Variants in IGF2BP2 observed in about 807,000 individuals in gnomAD.
The protein encoded by IGF2BP2 is insulin-like growth factor 2 mRNA-binding protein 2.
A neutral mutation model predicts 75.8 loss-of-function variants in IGF2BP2; 17 were observed. The observed-to-expected ratio is 0.22, with a 90% CI of 0.15 to 0.34. The LOEUF (loss-of-function observed/expected upper bound fraction) is 0.34, where lower values mean the gene tolerates loss of function less well. IGF2BP2 is among the 10% of genes least tolerant of loss of function. The pLI, the probability that IGF2BP2 is intolerant of heterozygous loss-of-function variation, is 1.00. For missense variants in IGF2BP2, 516 were observed against 772.4 expected (o/e 0.67, Z 3.93); for synonymous variants, 288 against 295.6 (o/e 0.97, Z 0.26).
chr3:185,728,675 TC>T (rs1727705862), intron 2 of IGF2BP2: 1 of 152,130 alleles, frequency 6.6e-6, no homozygotes, highest in Admixed American at 6.5e-5. Flanking sequence ...TATTATGACA[TC>T]CATTTTACAG....
At chr3:185,742,059 A>G (rs1729622593) in intron 2 of IGF2BP2, among the ~76,000 whole-genome samples, 1 of 152,194 alleles carries the variant, frequency 6.6e-6, no homozygotes, top group Admixed American at 6.5e-5. Context: ...ATTCATTAGT[A>G]AGCTGAAGGT....
At chr3:185,716,732 G>A (rs765894861) in intron 2 of IGF2BP2, 2 of 520,038 alleles carry the variant, frequency 3.8e-6, no homozygotes, top group South Asian at 1.4e-5. Context: ...CCCTGTCAGC[G>A]CTGGCTGGTC....
chr3:185,683,597 C>T (rs528259816), intron 7 of IGF2BP2, among the ~76,000 whole-genome samples: 3 of 151,950 alleles, frequency 2.0e-5, no homozygotes, highest in Non-Finnish European at 2.9e-5. Flanking sequence ...TTAGTAGAGA[C>T]GAGGTTTCAC....
At chr3:185,782,674 G>C (rs1382918768) in intron 2 of IGF2BP2, among the ~76,000 whole-genome samples, 2 of 152,120 alleles carry the variant, frequency 1.3e-5, no homozygotes, top group Non-Finnish European at 2.9e-5. Flanking sequence ...TCAATTAACA[G>C]GCATACCTAC....
chr3:185,676,933 G>T (rs1234083242), intron 7 of IGF2BP2, among the ~76,000 whole-genome samples: 1 of 133,860 alleles, frequency 7.5e-6, no homozygotes, highest in Non-Finnish European at 1.5e-5. Context: ...ATTTACTGGA[G>T]AGAGAGACAT....
chr3:185,681,955 C>G (rs995778609), intron 7 of IGF2BP2, among the ~76,000 whole-genome samples: 6 of 152,236 alleles, frequency 3.9e-5, no homozygotes, highest in Non-Finnish European at 8.8e-5. Flanking sequence ...AACTATCAAA[C>G]TCCTAAAACA....
At chr3:185,823,255 C>A in intron 1 of IGF2BP2, 42 bp from the exon 2 acceptor site, 2 of 1,523,598 alleles carry the variant, frequency 1.3e-6, no homozygotes, top group Non-Finnish European at 1.8e-6. Context: ...TTGCTTAGAT[C>A]AAGCCCGCGG....
At chr3:185,798,795 C>T (rs4686697) in intron 2 of IGF2BP2, among the ~76,000 whole-genome samples, 6,546 of 68,640 alleles carry the variant, frequency 0.095, 295 homozygotes, top group African/African-American at 0.21. Flanking sequence ...TTCTTTTTTT[C>T]TTTTTTTTTT....
intron 2 of IGF2BP2, chr3:185,713,408 G>A (rs777245606): frequency 3.8e-6 from 2 of 519,908 alleles, no homozygotes; most frequent in Admixed American, 1.9e-5. Flanking sequence ...TGGAAAAGCA[G>A]CAGTGGGCGG....
At chr3:185,649,152 G>T (rs887882743) in intron 14 of IGF2BP2, among the ~76,000 whole-genome samples, 8 of 152,090 alleles carry the variant, frequency 5.3e-5, no homozygotes, top group African/African-American at 9.7e-5. Flanking sequence ...CAGGACTGTG[G>T]TATTTTTGGT....
chr3:185,720,587 T>G (rs1327066937), intron 2 of IGF2BP2, among the ~76,000 whole-genome samples: 1 of 152,236 alleles, frequency 6.6e-6, no homozygotes, highest in Non-Finnish European at 1.5e-5. Flanking sequence ...AGCTTGTTGC[T>G]TGTAGCAGCT....
At chr3:185,708,798 C>T (rs2149405379) in intron 2 of IGF2BP2, among the ~76,000 whole-genome samples, 1 of 152,244 alleles carries the variant, frequency 6.6e-6, no homozygotes, top group East Asian at 1.9e-4. Context: ...CAAGAACATT[C>T]ACGTGTGCTT....
At chr3:185,768,238 G>A (rs1156312992) in intron 2 of IGF2BP2, among the ~76,000 whole-genome samples, 1 of 152,172 alleles carries the variant, frequency 6.6e-6, no homozygotes, top group Non-Finnish European at 1.5e-5. Flanking sequence ...AAGGAAAGTT[G>A]AGAACTTTCC....
At chr3:185,672,721 G>A (rs369103190) in intron 9 of IGF2BP2, 52 bp from the exon 10 acceptor site, 13 of 1,605,188 alleles carry the variant, frequency 8.1e-6, no homozygotes, top group Admixed American at 5.0e-5. Context: ...AGAGAGGCCC[G>A]CACGCCTGGG....
chr3:185,659,156 C>A (rs1715974610), intron 10 of IGF2BP2, among the ~76,000 whole-genome samples: 1 of 151,916 alleles, frequency 6.6e-6, no homozygotes, highest in Non-Finnish European at 1.5e-5. Flanking sequence ...GAATTTGAGG[C>A]TGCAGTGAGC....
intron 2 of IGF2BP2, among the ~76,000 whole-genome samples, chr3:185,718,827 A>G (rs137969384): frequency 9.7e-4 from 148 of 152,280 alleles, no homozygotes; most frequent in African/African-American, 3.3e-3. Context: ...GGATGAACAC[A>G]GCGCAGAAGT....
At chr3:185,774,972 AT>A (rs1398771924) in intron 2 of IGF2BP2, among the ~76,000 whole-genome samples, 1 of 151,718 alleles carries the variant, frequency 6.6e-6, no homozygotes, top group Non-Finnish European at 1.5e-5. Flanking sequence ...GTGAGCCCAG[AT>A]TGTGCCACTG....
intron 2 of IGF2BP2, among the ~76,000 whole-genome samples, chr3:185,789,685 C>T (rs1263822542): frequency 6.7e-6 from 1 of 149,794 alleles, no homozygotes; most frequent in Non-Finnish European, 1.5e-5. Context: ...ACCCCTTTTG[C>T]TTCAGCTAGA....
intron 13 of IGF2BP2, among the ~76,000 whole-genome samples, chr3:185,651,732 C>G (rs1714638563): frequency 6.6e-6 from 1 of 152,198 alleles, no homozygotes; most frequent in Admixed American, 6.5e-5. Flanking sequence ...ACAAACCATG[C>G]TACTTCCCCT....
Sources: gnomAD v4.1 joint callset for allele counts (sites outside exome capture counted in the v4.1 genomes callset) on GRCh38, gnomAD v4.1.1 for gene constraint, MANE v1.5 for transcripts, NCBI Gene and HGNC (gene_info 2026-07-23, HGNC 2026-07-21) for gene names.